CCT5: variants seen among roughly 807,000 people sequenced by gnomAD.
The protein encoded by CCT5 is chaperonin containing TCP1 subunit 5, also known as T-complex protein 1 subunit epsilon.
A neutral mutation model predicts 55.0 loss-of-function variants in CCT5; 6 were observed. The observed-to-expected ratio is 0.11, with a 90% confidence interval of 0.06 to 0.22. The LOEUF (loss-of-function observed/expected upper bound fraction) is 0.22. Ranked by LOEUF, CCT5 falls within the 10% of genes least tolerant of loss-of-function variation. The pLI, the probability that CCT5 is intolerant of heterozygous loss-of-function variation, is 1.00. For missense variants in CCT5, 560 were observed against 694.6 expected (o/e 0.81, Z 2.18); for synonymous variants, 231 against 243.7 (o/e 0.95, Z 0.49).
rs1445265623 is a variant in CCT5, at chr5:10,262,663, ATGG to A, written c.1317+49_1317+51del. On this transcript the variant is annotated intron_variant, in intron 9 of 10. Transcript: ENST00000280326. ...TTAGTGAAAGATTCAGGCCTCGCTGATGGTGGAGACTGTGAAGCTGCGGAACAG... is the reference window on the plus strand; with the variant it reads ...TTAGTGAAAGATTCAGGCCTCGCTGATGGAGACTGTGAAGCTGCGGAACAG... 9.3e-6 allele frequency: 15 copies of A among 1,606,894 alleles called. No homozygotes were observed. In the Admixed American group the frequency reaches 2.2e-4, roughly 23 times the overall value.
rs1448183474 is a variant in CCT5 at position 10,265,075 on chromosome 5, AT to A, written c.*294del. 1 of 348,522 alleles carries A rather than the reference AT, an allele frequency of 2.9e-6. No individual in the cohort carries two copies. The highest frequency in any genetic ancestry group is 5.3e-6 in the Non-Finnish European group (1 of 187,492). 21.6% of individuals were successfully genotyped at this position (348,522 alleles called of 1,614,324 possible). On this transcript the variant is annotated 3_prime_UTR_variant, in exon 11 of 11. Coordinates refer to ENST00000280326, the MANE Select transcript of CCT5 (RefSeq NM_012073.5). The stretch of plus-strand genomic sequence containing the variant: ...GTAACAGTAATTAAATGCTGCCTTA[AT>A]TGAAGGGGTTTGGGTGGATTTTTTT...
At chr5:10,252,780 G>A (rs935908527) in intron 1 of CCT5, among the ~76,000 whole-genome samples, 18 of 152,048 alleles carry the variant, frequency 1.2e-4, no homozygotes, top group Non-Finnish European at 2.4e-4. Flanking sequence ...CTTCCCTCTG[G>A]AAACACACAG....
At chr5:10,262,353 T>C (rs1746007303) in intron 8 of CCT5, 128 bp from the exon 9 acceptor site, 14 of 1,000,906 alleles carry the variant, frequency 1.4e-5, no homozygotes, top group Non-Finnish European at 1.9e-5. Context: ...AAGATAAATA[T>C]TATCCGATAG....
intron 6 of CCT5, among the ~76,000 whole-genome samples, chr5:10,258,907 C>T (rs1579452732): frequency 7.2e-5 from 11 of 152,112 alleles, no homozygotes; most frequent in Admixed American, 7.2e-4. Flanking sequence ...ACAGGAGAAT[C>T]GCTTGAACCC....
chr5:10,259,382 C>G (rs1404599252), intron 6 of CCT5, among the ~76,000 whole-genome samples: 1 of 152,198 alleles, frequency 6.6e-6, no homozygotes, highest in African/African-American at 2.4e-5. Context: ...AGACTATTTT[C>G]ATGTCTGTTC....
intron 3 of CCT5, among the ~76,000 whole-genome samples, chr5:10,255,504 C>A (rs543100282): frequency 6.6e-6 from 1 of 150,806 alleles, no homozygotes; most frequent in African/African-American, 2.4e-5. Context: ...GCACTGTTCT[C>A]GGTGCGCTTG....
chr5:10,260,409 C>T (rs949150692), intron 6 of CCT5, among the ~76,000 whole-genome samples: 7 of 152,216 alleles, frequency 4.6e-5, no homozygotes, highest in African/African-American at 1.7e-4. Flanking sequence ...TTGTTTAAAA[C>T]ATACTCAGGT....
rs910529884 is a variant in CCT5 at position 10,266,100 on chromosome 5, A to G, written c.*1317A>G. The stretch of plus-strand genomic sequence containing the variant: ...CAATCTTCCTAATTTTCATGTTTAT[A>G]TGGAACTATGCAGTTGAGTATTGAA... On this transcript the variant is annotated 3_prime_UTR_variant, in exon 11 of 11. Coordinates refer to ENST00000280326, the MANE Select transcript of CCT5 (RefSeq NM_012073.5). 6.6e-6 allele frequency: 1 copy of G among 152,152 alleles called. No homozygotes were observed. Among genetic ancestry groups the G allele is most frequent in the Non-Finnish European group, 1.5e-5 (1 of 68,028 alleles). 9.4% of individuals were successfully genotyped at this position (152,152 alleles called of 1,614,324 possible). A position where few individuals can be genotyped will look rare whatever the true frequency, so the allele number is the denominator to read the frequency against.
chr5:10,250,411 G>T lies in CCT5; in HGVS notation c.71G>T (p.Arg24Leu). Reference sequence around the variant, plus strand: ...TTCCTCATCATCAAGGATCAGGACCGCAAGTCCCGTCTTATGGGACTTGAG... The same window carrying T: ...TTCCTCATCATCAAGGATCAGGACCTCAAGTCCCGTCTTATGGGACTTGAG... ...RPFLIIKDQDRKSRLMGLEAL... is the reference protein window; with the variant it reads ...RPFLIIKDQDLKSRLMGLEAL... The change falls in exon 1 of 11, where the codon CGC (arginine) becomes CTC (leucine). Residue 24 changes from arginine (R) to leucine (L), a missense_variant. Arg to Leu is a moderately radical substitution (Grantham distance 102). Around this residue, in one of 4 missense-constraint regions of CCT5, gnomAD observed 137 missense variants for 181.9 expected, o/e 0.75. Coordinates refer to ENST00000280326, the MANE Select transcript of CCT5 (RefSeq NM_012073.5). 6.2e-7 allele frequency: 1 copy of T among 1,613,978 alleles called. No homozygotes were observed. The highest frequency in any genetic ancestry group is 8.5e-7 in the Non-Finnish European group (1 of 1,180,036).
chr5:10,262,703 A>T, intron 9 of CCT5, 85 bp downstream of exon 9: 1 of 1,440,226 alleles, frequency 6.9e-7, no homozygotes, highest in Non-Finnish European at 9.8e-7. Flanking sequence ...GAGGTGCTGG[A>T]TGCAAAACAA....
upstream of CCT5, chr5:10,250,136 G>A: frequency 6.5e-7 from 1 of 1,535,148 alleles, no homozygotes; most frequent in Non-Finnish European, 8.7e-7. Context: ...CCCCTCCCCG[G>A]CTTCCTGGAT....
In CCT5 at chr5:10,265,376, A is replaced by G. The variant is rs2578640; in HGVS notation, c.*593A>G. 0.74 allele frequency: 116,099 copies of G among 156,688 alleles called. 45,241 individuals are homozygous for G. The highest frequency in any genetic ancestry group is 0.87 in the East Asian group (4,605 of 5,318). The allele number at this position is 156,688 out of a possible 1,614,324, so 9.7% of individuals were successfully genotyped here. A position where few individuals can be genotyped will look rare whatever the true frequency, so the allele number is the denominator to read the frequency against. On this transcript the variant is annotated 3_prime_UTR_variant, in exon 11 of 11. Transcript: ENST00000280326. ...GCCCCACCCTGAACACAGCTCATAC[A>G]CAGAATCAGGACCAGCATGTGCAGA...
At chr5:10,249,924 A>AAAC, upstream of CCT5, 1 of 1,164,916 alleles carries the variant, frequency 8.6e-7, no homozygotes, top group Non-Finnish European at 1.1e-6. Context: ...AAAAAAAAAA[A>AAAC]AAAAAAAAAA....
intron 4 of CCT5, chr5:10,257,763 T>G (rs1745755142): frequency 5.7e-6 from 2 of 353,428 alleles, no homozygotes; most frequent in African/African-American, 4.2e-5. Context: ...TGTAAAATAG[T>G]AACAGTATTC....
chr5:10,262,907 A>G (rs184964207), intron 9 of CCT5, among the ~76,000 whole-genome samples: 6 of 152,376 alleles, frequency 3.9e-5, no homozygotes, highest in Admixed American at 2.6e-4. Flanking sequence ...AAATAAAGCC[A>G]TAAGAGCTGC....
chr5:10,265,859 T>C lies in CCT5; in HGVS notation c.*1076T>C, dbSNP rs988355641. The C allele has an allele frequency of 6.6e-6, 1 of 152,168 alleles. No individual in the cohort carries two copies. Among genetic ancestry groups the C allele is most frequent in the Non-Finnish European group, 1.5e-5 (1 of 68,012 alleles). The allele number at this position is 152,168 out of a possible 1,614,324, so 9.4% of individuals were successfully genotyped here. On this transcript the variant is annotated 3_prime_UTR_variant, in exon 11 of 11. Transcript: ENST00000280326. Reference sequence around the variant, plus strand: ...TGATGATAAAGCTCATGATGAACTTTATCACTAGTTATGCCACCTTAACTA... The same window carrying C: ...TGATGATAAAGCTCATGATGAACTTCATCACTAGTTATGCCACCTTAACTA...
Position 10,259,101 on chromosome 5 carries a change from G to A in CCT5, c.873+566G>A, listed in dbSNP as rs1409757660. 2.0e-5 allele frequency among the ~76,000 whole-genome samples: 3 copies of A among 152,194 alleles called. No homozygotes were observed. The East Asian group carries it at 5.8e-4, about 29-fold the overall frequency. On this transcript the variant is annotated intron_variant, in intron 6 of 10. Coordinates refer to ENST00000280326, the MANE Select transcript of CCT5 (RefSeq NM_012073.5). ...TGCCGTCCTGGACAAATTTAACTTAGCTTACCTTGCCTTTAAGATTTCTGA... is the reference window on the plus strand; with the variant it reads ...TGCCGTCCTGGACAAATTTAACTTAACTTACCTTGCCTTTAAGATTTCTGA...
intron 3 of CCT5, 158 bp downstream of exon 3, chr5:10,254,996 A>C: frequency 1.5e-6 from 1 of 664,036 alleles, no homozygotes; most frequent in Non-Finnish European, 2.7e-6. Context: ...GACTTTCAAA[A>C]CTGACAGTGT....
intron 3 of CCT5, 51 bp downstream of exon 3, chr5:10,254,889 C>T: frequency 1.4e-6 from 2 of 1,479,850 alleles, no homozygotes; most frequent in African/African-American, 1.4e-5. Flanking sequence ...CATTTAAGAC[C>T]ACAGGGCTAA....
Sources: allele counts gnomAD v4.1 joint callset (sites outside exome capture counted in the v4.1 genomes callset), GRCh38; gene constraint gnomAD v4.1.1; regional missense constraint gnomAD v4.1.1; transcripts MANE v1.5; gene names NCBI Gene and HGNC (gene_info 2026-07-23, HGNC 2026-07-21).